The following EFEMP1 variants were observed in gnomAD, a reference collection of about 807,000 sequenced individuals.
EFEMP1 encodes the protein EGF-like fibulin extracellular matrix protein 1.
EFEMP1 carries 18 observed loss-of-function variants against 65.7 expected under a neutral mutation model. The observed-to-expected ratio is 0.27, with a 90% CI of 0.19 to 0.41. EFEMP1 has a LOEUF of 0.41. EFEMP1 is among the 10% of genes least tolerant of loss of function. The pLI, the probability that EFEMP1 is intolerant of heterozygous loss-of-function variation, is 1.00. For synonymous variants in EFEMP1, 237 were observed against 219.7 expected, an observed-to-expected ratio of 1.08 and a Z score of -0.70; for missense variants, 469 against 624.8, an observed-to-expected ratio of 0.75 and a Z score of 2.66.
rs1451967106 is a variant in EFEMP1 at position 55,917,978 on chromosome 2, G to A, written c.204C>T (p.Tyr68=). 6.2e-7 allele frequency: 1 copy of A among 1,614,182 alleles called. No homozygotes were observed. Among genetic ancestry groups the A allele is most frequent in the Admixed American group, 1.7e-5 (1 of 60,028 alleles). ...GMKCVNHYGG[Y]LCLPKTAQII... ...TCTGGGCTGTTTTCGGAAGGCAGAG[G>A]TATCCTCCATAGTGGTTGACACACT... is the stretch of plus-strand genomic sequence containing the variant. The change falls in exon 5 of 12, where the codon TAC becomes TAT. Residue 68 remains tyrosine, a synonymous_variant. Transcript: ENST00000355426. The surrounding 1 kb of genome is among the most constrained non-coding windows in gnomAD (Gnocchi z 6.3).
intron 5 of EFEMP1, among the ~76,000 whole-genome samples, chr2:55,902,543 A>C (rs1310046404): frequency 6.6e-6 from 1 of 152,204 alleles, no homozygotes; most frequent in Non-Finnish European, 1.5e-5. Flanking sequence ...GATTGAAATG[A>C]AGTCTGGGGC....
rs1668598083 is a variant in EFEMP1, at chr2:55,866,926, T to C, written c.*147A>G. The C allele has an allele frequency of 1.9e-6, 2 of 1,043,966 alleles. No homozygotes were observed. The highest frequency in any genetic ancestry group is 2.6e-5 in the East Asian group (1 of 38,752). The allele number at this position is 1,043,966 out of a possible 1,614,324, so 64.7% of individuals were successfully genotyped here. A position where few individuals can be genotyped will look rare whatever the true frequency, so the allele number is the denominator to read the frequency against. The stretch of plus-strand genomic sequence containing the variant: ...ATCTTTACATATTAAATGCCCACTT[T>C]ATACCATGGTGTAATTGTTTGAATT... On this transcript the variant is annotated 3_prime_UTR_variant, in exon 12 of 12. Transcript: ENST00000355426.
At chr2:55,888,334 C>CTTTTTTTTTT (rs71713705) in intron 5 of EFEMP1, among the ~76,000 whole-genome samples, 1 of 114,308 alleles carries the variant, frequency 8.7e-6, no homozygotes, top group Non-Finnish European at 1.7e-5. Flanking sequence ...CCTTCTTAAA[C>CTTTTTTTTTT]TTTTTTTTTT....
At chr2:55,905,276 C>T (rs1291722242) in intron 5 of EFEMP1, among the ~76,000 whole-genome samples, 1 of 152,060 alleles carries the variant, frequency 6.6e-6, no homozygotes, top group Non-Finnish European at 1.5e-5. Flanking sequence ...GTGTAATCTT[C>T]TTTATTAAGG....
At chr2:55,909,494 C>A (rs535615706) in intron 5 of EFEMP1, among the ~76,000 whole-genome samples, 1 of 152,256 alleles carries the variant, frequency 6.6e-6, no homozygotes, top group East Asian at 1.9e-4. Flanking sequence ...CATTCTAGGA[C>A]AGATGGAATG....
chr2:55,874,993 C>T lies in EFEMP1; in HGVS notation c.953G>A (p.Cys318Tyr). 1 of 1,609,670 alleles carries T rather than the reference C, an allele frequency of 6.2e-7. No homozygotes were observed. The highest frequency in any genetic ancestry group is 8.5e-7 in the Non-Finnish European group (1 of 1,177,504). The stretch of plus-strand genomic sequence containing the variant: ...CACTTGGTATCCCTGGGGGCACATA[C>T]ATGAGAATTTCCCAGGTTCATTGAC... ...QCVNEPGKFSCMCPQGYQVVR... is the reference protein window; with the variant it reads ...QCVNEPGKFSYMCPQGYQVVR... Residue 318 changes from cysteine (C) to tyrosine (Y), a missense_variant, in exon 9 of 12, where the codon TGT (cysteine) becomes TAT (tyrosine). This residue lies in a region of EFEMP1 where 399 missense variants were observed against 528.2 expected (regional missense o/e 0.76). Coordinates refer to ENST00000355426, the MANE Select transcript of EFEMP1 (RefSeq NM_001039348.3).
rs1668623734 is a variant in EFEMP1, at chr2:55,867,497, A to G, written c.1321-263T>C. Reference sequence around the variant, plus strand: ...TTTTGATTCCTCCCTCTCTGTTAACATTTTTCTTCACTTTTATTGAGTAGT... The same window carrying G: ...TTTTGATTCCTCCCTCTCTGTTAACGTTTTTCTTCACTTTTATTGAGTAGT... On this transcript the variant is annotated intron_variant, in intron 11 of 11. Transcript: ENST00000355426. The surrounding 1 kb of genome is among the most constrained non-coding windows in gnomAD (Gnocchi z 4.3). Among the ~76,000 whole-genome samples the G allele has an allele frequency of 6.7e-6, 1 of 148,240 alleles. No homozygotes were observed. Among genetic ancestry groups the G allele is most frequent in the South Asian group, 2.1e-4 (1 of 4,726 alleles).
chr2:55,923,696 G>T lies in EFEMP1; in HGVS notation c.-49+15C>A. On this transcript the variant is annotated intron_variant, in intron 1 of 11. Transcript: ENST00000355426. This position sits in a 1 kb window ranked among gnomAD's most constrained non-coding sequence, Gnocchi z 5.3. ...CTGGGCTCGCTCGGGGCGACCCCCC[G>T]TTGGGGGCTCCTACCTGTGCGGCCG... is the stretch of plus-strand genomic sequence containing the variant. 2 of 985,720 alleles carry T rather than the reference G, an allele frequency of 2.0e-6. No individual in the cohort carries two copies. The highest frequency in any genetic ancestry group is 2.4e-6 in the Non-Finnish European group (2 of 830,266). 61.1% of individuals were successfully genotyped at this position (985,720 alleles called of 1,614,324 possible).
At position 55,867,683 on chromosome 2, in the gene EFEMP1, A is replaced by T. The variant is rs1203893201; in HGVS notation, c.1321-449T>A. ...TTTTCAACAGAATATGGTAAATGCT[A>T]AGATATATGAGGTTATGCAGGGTAC... On this transcript the variant is annotated intron_variant, in intron 11 of 11. Coordinates refer to ENST00000355426, the MANE Select transcript of EFEMP1 (RefSeq NM_001039348.3). This position sits in a 1 kb window ranked among gnomAD's most constrained non-coding sequence, Gnocchi z 4.3. Among the ~76,000 whole-genome samples the T allele has an allele frequency of 1.3e-5, 2 of 152,132 alleles. No individual in the cohort carries two copies. Among genetic ancestry groups the T allele is most frequent in the Admixed American group, 6.6e-5 (1 of 15,264 alleles).
chr2:55,911,834 T>C (rs2104443562), intron 5 of EFEMP1, among the ~76,000 whole-genome samples: 1 of 152,358 alleles, frequency 6.6e-6, no homozygotes, highest in South Asian at 2.1e-4. Context: ...ACTTTCTGAC[T>C]GTGTATGAAT....
intron 5 of EFEMP1, among the ~76,000 whole-genome samples, chr2:55,914,499 A>G (rs1410239569): frequency 6.6e-6 from 1 of 152,232 alleles, no homozygotes; most frequent in Non-Finnish European, 1.5e-5. Context: ...TACATTTAAA[A>G]TATCTAGTGG....
chr2:55,911,145 T>C (rs1426577605), intron 5 of EFEMP1, among the ~76,000 whole-genome samples: 2 of 152,196 alleles, frequency 1.3e-5, no homozygotes, highest in Non-Finnish European at 2.9e-5. Context: ...TAATATGTCC[T>C]TTTTTCCTTT....
At chr2:55,911,114 A>C (rs1028817039) in intron 5 of EFEMP1, among the ~76,000 whole-genome samples, 1 of 152,152 alleles carries the variant, frequency 6.6e-6, no homozygotes, top group African/African-American at 2.4e-5. Flanking sequence ...TTTCATAGAG[A>C]TGTGTATCCT....
Position 55,871,246 on chromosome 2 carries a change from C to T in EFEMP1, c.1001-123G>A, listed in dbSNP as rs1360365409. On this transcript the variant is annotated intron_variant, in intron 9 of 11. Transcript: ENST00000355426. The surrounding 1 kb of genome is among the most constrained non-coding windows in gnomAD (Gnocchi z 4.2). The stretch of plus-strand genomic sequence containing the variant: ...GTGAGAGCATCTGGACTGTGTTCAA[C>T]CTGCTTTTAGACACAAGACTGGGTG... 1.2e-5 allele frequency: 16 copies of T among 1,376,934 alleles called. No homozygotes were observed. Among genetic ancestry groups the T allele is most frequent in the Non-Finnish European group, 1.3e-5 (13 of 986,856 alleles). The allele number at this position is 1,376,934 out of a possible 1,614,324, so 85.3% of individuals were successfully genotyped here. A position where few individuals can be genotyped will look rare whatever the true frequency, so the allele number is the denominator to read the frequency against.
chr2:55,888,451 A>T lies in EFEMP1; in HGVS notation c.518-6717T>A, dbSNP rs535545947. ...CTCCCAGATTCCAGCGATTCTCCTG[A>T]CTCAGCCTCCTGAGTAGCTGGGATT... On this transcript the variant is annotated intron_variant, in intron 5 of 11. Coordinates refer to ENST00000355426, the MANE Select transcript of EFEMP1 (RefSeq NM_001039348.3). 2.1e-5 allele frequency among the ~76,000 whole-genome samples: 3 copies of T among 145,180 alleles called. No individual in the cohort carries two copies. The East Asian group carries it at 6.1e-4, about 30-fold the overall frequency.
chr2:55,897,640 T>A (rs982063463), intron 5 of EFEMP1, among the ~76,000 whole-genome samples: 4 of 152,244 alleles, frequency 2.6e-5, no homozygotes, highest in African/African-American at 9.6e-5. Flanking sequence ...ATCCATAAAC[T>A]AAACCATCTA....
At chr2:55,888,198 C>T (rs937282436) in intron 5 of EFEMP1, among the ~76,000 whole-genome samples, 4 of 152,198 alleles carry the variant, frequency 2.6e-5, no homozygotes, top group African/African-American at 9.7e-5. Flanking sequence ...CCACTGGCAA[C>T]ATGAAGCTTA....
At chr2:55,905,011 C>T (rs1327313705) in intron 5 of EFEMP1, among the ~76,000 whole-genome samples, 2 of 112,820 alleles carry the variant, frequency 1.8e-5, no homozygotes, top group African/African-American at 7.3e-5. Context: ...TGCTGAGCAA[C>T]AGCTTTGGCA....
At chr2:55,918,477 C>T (rs945525896) in intron 3 of EFEMP1, among the ~76,000 whole-genome samples, 2 of 152,144 alleles carry the variant, frequency 1.3e-5, no homozygotes, top group African/African-American at 2.4e-5. Context: ...CATTCTCAAC[C>T]ATCAGCTGCC....
Sources: gnomAD v4.1 joint callset for allele counts (sites outside exome capture counted in the v4.1 genomes callset) on GRCh38, gnomAD v4.1.1 for gene constraint, gnomAD v4.1.1 regional missense constraint, Gnocchi (gnomAD v3.1) non-coding constraint, MANE v1.5 for transcripts, NCBI Gene and HGNC (gene_info 2026-07-23, HGNC 2026-07-21) for gene names.